Variants in B3GALNT2 observed in about 807,000 individuals in gnomAD.
B3GALNT2 encodes beta-1,3-N-acetylgalactosaminyltransferase 2.
In B3GALNT2, 53 loss-of-function variants were observed where a neutral mutation model predicts 61.1. The ratio of observed to expected loss-of-function variants is 0.87; its 90% CI spans 0.70 to 1.09. The LOEUF (loss-of-function observed/expected upper bound fraction) is 1.09, where lower values mean the gene tolerates loss of function less well. B3GALNT2 is among the 50% of genes least tolerant of loss of function. The pLI is 0.00. For missense variants in B3GALNT2, 544 were observed against 623.0 expected, an observed-to-expected ratio of 0.87 and a Z score of 1.35; for synonymous variants, 223 against 237.4, an observed-to-expected ratio of 0.94 and a Z score of 0.56.
At chr1:235,487,660 C>T (rs191291937) in intron 3 of B3GALNT2, among the ~76,000 whole-genome samples, 43 of 152,256 alleles carry the variant, frequency 2.8e-4, no homozygotes, top group African/African-American at 7.0e-4. Flanking sequence ...GGAAGTATAA[C>T]CTCCCTTAGA....
intron 10 of B3GALNT2, 51 bp downstream of exon 10, chr1:235,454,102 GTGT>G (rs1683054781): frequency 6.7e-7 from 1 of 1,494,344 alleles, no homozygotes; most frequent in South Asian, 1.3e-5. Context: ...GCCTCCCAAA[GTGT>G]TGTGATTACT....
At chr1:235,474,698 G>A (rs908985868) in intron 5 of B3GALNT2, among the ~76,000 whole-genome samples, 3 of 151,644 alleles carry the variant, frequency 2.0e-5, no homozygotes, top group South Asian at 2.1e-4. Flanking sequence ...GCAGGCACTC[G>A]TAATCCCAGC....
At chr1:235,481,118 T>C (rs961616279) in intron 4 of B3GALNT2, among the ~76,000 whole-genome samples, 3 of 152,022 alleles carry the variant, frequency 2.0e-5, no homozygotes, top group African/African-American at 7.3e-5. Context: ...CAATGGATTA[T>C]GTCTATTTCT....
At chr1:235,478,801 T>C (rs1684420709) in intron 5 of B3GALNT2, 1 of 152,248 alleles carries the variant, frequency 6.6e-6, no homozygotes, top group Non-Finnish European at 1.5e-5. Context: ...GGCATAATCC[T>C]AGCAACTATA....
chr1:235,491,730 C>T (rs949258427), intron 2 of B3GALNT2, among the ~76,000 whole-genome samples: 5 of 152,168 alleles, frequency 3.3e-5, no homozygotes, highest in Non-Finnish European at 7.3e-5. Context: ...CTTGCCACAA[C>T]AGGTCTCGTC....
At chr1:235,442,738 C>G (rs1681980307), downstream of B3GALNT2, 1 of 957,528 alleles carries the variant, frequency 1.0e-6, no homozygotes, top group African/African-American at 1.6e-5. Flanking sequence ...TTGATTAGAC[C>G]TGCCAATTTG....
At chr1:235,442,714 A>C, downstream of B3GALNT2, 5 of 759,566 alleles carry the variant, frequency 6.6e-6, no homozygotes, top group Non-Finnish European at 1.1e-5. Flanking sequence ...GATTAATAGA[A>C]AGAATTTTAA....
At chr1:235,478,329 G>C (rs1425893574) in intron 5 of B3GALNT2, among the ~76,000 whole-genome samples, 2 of 152,160 alleles carry the variant, frequency 1.3e-5, no homozygotes, top group African/African-American at 4.8e-5. Flanking sequence ...GGGATTACAG[G>C]TGTGAGCCAC....
Position 235,454,289 on chromosome 1 carries a change from C to T in B3GALNT2, c.1178G>A (p.Arg393Gln), listed in dbSNP as rs140708018. Residue 393 changes from arginine (R) to glutamine (Q), a missense_variant, in exon 10 of 12, where the codon CGA (arginine) becomes CAA (glutamine). Physicochemically the swap from Arg to Gln is conservative, Grantham distance 43 (BLOSUM62 1). Transcript: ENST00000366600. The stretch of plus-strand genomic sequence containing the variant: ...CTCCAACTCCTGCCACTTTCCGGTT[C>T]GGTCAACTGCCCAATTCAGTCTGAA... Reference protein sequence around the residue: ...GNFRLNWAVDRTGKWQELEYP... With the variant: ...GNFRLNWAVDQTGKWQELEYP... 310 of 1,613,024 alleles carry T rather than the reference C, an allele frequency of 1.9e-4. 2 individuals are homozygous for T. In the Admixed American group the frequency reaches 2.0e-3, roughly 10 times the overall value.
At chr1:235,485,771 C>T (rs1684776743) in intron 3 of B3GALNT2, among the ~76,000 whole-genome samples, 1 of 152,138 alleles carries the variant, frequency 6.6e-6, no homozygotes, top group Admixed American at 6.6e-5. Context: ...CTACACAACA[C>T]CATCAGTTAA....
intron 5 of B3GALNT2, among the ~76,000 whole-genome samples, chr1:235,471,261 C>T (rs1683994838): frequency 6.6e-6 from 1 of 152,184 alleles, no homozygotes; most frequent in African/African-American, 2.4e-5. Flanking sequence ...AGCCATTCTT[C>T]CTCATGTGTG....
intron 4 of B3GALNT2, among the ~76,000 whole-genome samples, chr1:235,483,329 G>A (rs116276197): frequency 4.1e-4 from 62 of 152,304 alleles, no homozygotes; most frequent in Non-Finnish European, 6.2e-4. Flanking sequence ...GAGAGCGAGC[G>A]AAGTCAGAAA....
At position 235,489,374 on chromosome 1, in the gene B3GALNT2, G is replaced by A. The variant is rs1471327517; in HGVS notation, c.261-106C>T. Reference sequence around the variant, plus strand: ...TTTACTTTGAGACACAAGTGTTTATGAGGATTAATTCTCTACCTTTATTCT... The same window carrying A: ...TTTACTTTGAGACACAAGTGTTTATAAGGATTAATTCTCTACCTTTATTCT... On this transcript the variant is annotated intron_variant, in intron 2 of 11. Transcript: ENST00000366600. 1.3e-5 allele frequency: 20 copies of A among 1,513,650 alleles called. 1 individual carries two copies. The South Asian group carries it at 2.5e-4, about 19-fold the overall frequency. 93.8% of individuals were successfully genotyped at this position (1,513,650 alleles called of 1,614,324 possible).
chr1:235,490,798 GTTC>G (rs1373977389), intron 2 of B3GALNT2, among the ~76,000 whole-genome samples: 8 of 151,798 alleles, frequency 5.3e-5, no homozygotes, highest in Non-Finnish European at 1.0e-4. Context: ...TTACTATTAT[GTTC>G]TTGAGATCAT....
At chr1:235,446,288 G>A (rs1049826619), downstream of B3GALNT2, among the ~76,000 whole-genome samples, 5 of 151,932 alleles carry the variant, frequency 3.3e-5, no homozygotes, top group Non-Finnish European at 5.9e-5. Context: ...CAACTCTCCC[G>A]GCCTCAGCTT....
intron 3 of B3GALNT2, among the ~76,000 whole-genome samples, chr1:235,486,363 C>T (rs291390): frequency 0.46 from 69,718 of 152,004 alleles, 16,643 homozygotes; most frequent in Non-Finnish European, 0.5. Context: ...CAGTAAATAA[C>T]AGATATCCAT....
downstream of B3GALNT2, among the ~76,000 whole-genome samples, chr1:235,444,971 A>G (rs551910410): frequency 1.3e-5 from 2 of 152,254 alleles, no homozygotes; most frequent in South Asian, 2.1e-4. Context: ...ACCCTTCTCT[A>G]CTTCCACACT....
downstream of B3GALNT2, among the ~76,000 whole-genome samples, chr1:235,447,159 T>TTAA (rs1682399560): frequency 6.6e-6 from 1 of 152,220 alleles, no homozygotes; most frequent in Non-Finnish European, 1.5e-5. Context: ...GAGCAAATTG[T>TTAA]TAATTAAAAT....
chr1:235,474,974 T>TATAC (rs1307053721), intron 5 of B3GALNT2, among the ~76,000 whole-genome samples: 1 of 34,810 alleles, frequency 2.9e-5, no homozygotes, highest in Non-Finnish European at 4.8e-5. Context: ...TATATATATA[T>TATAC]ATATATATAT....
Sources: gnomAD v4.1 joint callset for allele counts (sites outside exome capture counted in the v4.1 genomes callset) on GRCh38, gnomAD v4.1.1 for gene constraint, MANE v1.5 for transcripts, NCBI Gene and HGNC (gene_info 2026-07-23, HGNC 2026-07-21) for gene names.